NXN: variants seen among roughly 807,000 people sequenced by gnomAD.
NXN encodes nucleoredoxin, also known as nucleoredoxin 1.
Under a neutral mutation model 48.6 loss-of-function variants are expected in NXN, and 16 were observed. The observed-to-expected ratio is 0.33, with a 90% confidence interval of 0.22 to 0.50. The LOEUF (loss-of-function observed/expected upper bound fraction) is 0.50, where lower values mean the gene tolerates loss of function less well. NXN is among the 20% of genes least tolerant of loss of function. The pLI is 0.98. For synonymous variants in NXN, 281 were observed against 269.6 expected (o/e 1.04, Z -0.41); for missense variants, 492 against 605.5 (o/e 0.81, Z 1.97).
Position 958,220 on chromosome 17 carries a change from A to AG in NXN, c.360+21098dup, listed in dbSNP as rs1213540025. Among the ~76,000 whole-genome samples the AG allele has an allele frequency of 6.6e-6, 1 of 152,202 alleles. No individual in the cohort carries two copies. The highest frequency in any genetic ancestry group is 1.5e-5 in the Non-Finnish European group (1 of 68,048). ...CTTCTTTCCAGAAGGCTTTTCTTGCAGGAGGTGGCTGCCAGCTTGTCCCTT... is the reference window on the plus strand; with the variant it reads ...CTTCTTTCCAGAAGGCTTTTCTTGCAGGGAGGTGGCTGCCAGCTTGTCCCTT... On this transcript the variant is annotated intron_variant, in intron 1 of 7. Transcript: ENST00000336868. The surrounding 1 kb of genome is among the most constrained non-coding windows in gnomAD (Gnocchi z 6.9).
chr17:807,655 G>A (rs765321087), intron 5 of NXN, among the ~76,000 whole-genome samples: 5 of 152,230 alleles, frequency 3.3e-5, no homozygotes, highest in African/African-American at 7.2e-5. Flanking sequence ...GTGCCGGGAC[G>A]GGCCGTGTTG....
intron 5 of NXN, among the ~76,000 whole-genome samples, chr17:809,258 G>A (rs568115495): frequency 7.9e-5 from 12 of 152,358 alleles, no homozygotes; most frequent in Admixed American, 2.6e-4. Context: ...TAGAGAGGGC[G>A]CAGCCCTGAG....
chr17:810,915 TAAAAG>T (rs1911959642), intron 5 of NXN, among the ~76,000 whole-genome samples: 1 of 151,792 alleles, frequency 6.6e-6, no homozygotes, highest in Non-Finnish European at 1.5e-5. Flanking sequence ...ACAAAACACA[TAAAAG>T]AGAACTGCAA....
intron 5 of NXN, among the ~76,000 whole-genome samples, chr17:818,304 C>CT (rs1567815994): frequency 1.3e-5 from 2 of 152,030 alleles, no homozygotes; most frequent in African/African-American, 2.4e-5. Flanking sequence ...GATTAGTACT[C>CT]TAAGTCCTAG....
At chr17:886,169 C>T (rs1181063856) in intron 1 of NXN, among the ~76,000 whole-genome samples, 1 of 152,084 alleles carries the variant, frequency 6.6e-6, no homozygotes, top group Admixed American at 6.6e-5. Context: ...GGTTTCTCCA[C>T]GGAAGCAGCT....
In NXN at chr17:904,455, TGTG is replaced by T. The variant is rs1382635781; in HGVS notation, c.360+74861_360+74863del. Among the ~76,000 whole-genome samples, 42 of 152,314 alleles carry T rather than the reference TGTG, an allele frequency of 2.8e-4. 1 individual carries two copies. The highest frequency in any genetic ancestry group is 2.7e-3 in the Admixed American group (41 of 15,290). ...AGGGCTGTAAAGTCTCTCTCTCTGA[TGTG>T]GTGATTTTCAGCATTTTTCCCCTCC... is the stretch of plus-strand genomic sequence containing the variant. On this transcript the variant is annotated intron_variant, in intron 1 of 7. Coordinates refer to ENST00000336868, the MANE Select transcript of NXN (RefSeq NM_022463.5).
At chr17:841,543 ACGCCGGCGAGCAGG>A (rs1914264822) in intron 1 of NXN, among the ~76,000 whole-genome samples, 1 of 97,218 alleles carries the variant, frequency 1.0e-5, no homozygotes, top group Non-Finnish European at 2.1e-5. Context: ...GGAGCATCTC[ACGCCGGCGAGCAGG>A]TCCCCCCTGA....
intron 1 of NXN, among the ~76,000 whole-genome samples, chr17:910,539 T>G (rs1195891087): frequency 6.6e-6 from 1 of 152,190 alleles, no homozygotes; most frequent in Non-Finnish European, 1.5e-5. Flanking sequence ...TTATTTGTTT[T>G]TTAGAAGAAT....
At chr17:929,803 T>C (rs2068835632) in intron 1 of NXN, 1 of 145,352 alleles carries the variant, frequency 6.9e-6, no homozygotes, top group African/African-American at 2.4e-5. Flanking sequence ...TTTAATCTTC[T>C]TAAAAAAAAC....
At position 979,634 on chromosome 17, in the gene NXN, C is replaced by T. The variant is rs1283752680; in HGVS notation, c.45G>A (p.Thr15=). 2.0e-6 allele frequency: 3 copies of T among 1,469,804 alleles called. No individual in the cohort carries two copies. The highest frequency in any genetic ancestry group is 2.5e-5 in the South Asian group (2 of 79,406). 91.0% of individuals were successfully genotyped at this position (1,469,804 alleles called of 1,614,324 possible). A position where few individuals can be genotyped will look rare whatever the true frequency, so the allele number is the denominator to read the frequency against. Reference sequence around the variant, plus strand: ...GCACGTCCACCTCCTCGCCGCCGCCCGTCACCAGCTTCTCGCCGAGCAGCT... The same window carrying T: ...GCACGTCCACCTCCTCGCCGCCGCCTGTCACCAGCTTCTCGCCGAGCAGCT... ...LEELLGEKLV[T]GGGEEVDVHS... Residue 15 remains threonine, a synonymous_variant, in exon 1 of 8, where the codon ACG becomes ACA. Coordinates refer to ENST00000336868, the MANE Select transcript of NXN (RefSeq NM_022463.5).
chr17:979,549 C>G lies in NXN; in HGVS notation c.130G>C (p.Ala44Pro). 7.3e-7 allele frequency: 1 copy of G among 1,360,688 alleles called. No homozygotes were observed. The highest frequency in any genetic ancestry group is 9.5e-7 in the Non-Finnish European group (1 of 1,050,528). 84.3% of individuals were successfully genotyped at this position (1,360,688 alleles called of 1,614,324 possible). The change falls in exon 1 of 8, where the codon GCC (alanine) becomes CCC (proline). Residue 44 changes from alanine (A) to proline (P), a missense_variant. Transcript: ENST00000336868. Reference sequence around the variant, plus strand: ...CTGGCGCTGAGCTGCGCGCAGGGGGCGCTGAGGCTGCAGCCGAAGTAGAGA... The same window carrying G: ...CTGGCGCTGAGCTGCGCGCAGGGGGGGCTGAGGCTGCAGCCGAAGTAGAGA... The part of the protein sequence containing the change: ...LGLYFGCSLS[A>P]PCAQLSASLA...
At chr17:876,249 G>GAAAAGAAAAGAAAAGAAAAGAA (rs2068214090) in intron 1 of NXN, among the ~76,000 whole-genome samples, 1 of 150,084 alleles carries the variant, frequency 6.7e-6, no homozygotes, top group African/African-American at 2.5e-5. Context: ...GAAGAGAAGA[G>GAAAAGAAAAGAAAAGAAAAGAA]AAGAAAAGAA....
intron 1 of NXN, among the ~76,000 whole-genome samples, chr17:842,051 G>A (rs1007670556): frequency 1.2e-4 from 18 of 152,194 alleles, no homozygotes; most frequent in South Asian, 6.2e-4. Flanking sequence ...CAGGAGAATC[G>A]CTTGAACCTG....
At chr17:947,983 G>A (rs903373019) in intron 1 of NXN, among the ~76,000 whole-genome samples, 2 of 151,450 alleles carry the variant, frequency 1.3e-5, no homozygotes, top group East Asian at 1.9e-4. Flanking sequence ...CCCGGGAGGC[G>A]GAGGTTGCAG....
chr17:845,407 G>A (rs2067849353), intron 1 of NXN, among the ~76,000 whole-genome samples: 1 of 151,952 alleles, frequency 6.6e-6, no homozygotes, highest in East Asian at 1.9e-4. Flanking sequence ...ATCCGAGAGA[G>A]AATTCCACCC....
At chr17:865,219 T>G (rs1354002394) in intron 1 of NXN, among the ~76,000 whole-genome samples, 1 of 150,082 alleles carries the variant, frequency 6.7e-6, no homozygotes, top group Non-Finnish European at 1.5e-5. Context: ...CTATTGGTAT[T>G]ACAGGCTGGC....
intron 1 of NXN, among the ~76,000 whole-genome samples, chr17:833,920 T>C (rs1181149599): frequency 1.3e-5 from 2 of 152,118 alleles, no homozygotes; most frequent in Non-Finnish European, 2.9e-5. Flanking sequence ...CTCTCCCCGC[T>C]CTCCCACTGT....
intron 1 of NXN, among the ~76,000 whole-genome samples, chr17:848,200 C>T (rs904541747): frequency 1.3e-5 from 2 of 152,012 alleles, no homozygotes; most frequent in Non-Finnish European, 2.9e-5. Context: ...TGCAATGGCA[C>T]GATCTCGGCT....
At chr17:903,724 C>T (rs569490641) in intron 1 of NXN, among the ~76,000 whole-genome samples, 2 of 152,282 alleles carry the variant, frequency 1.3e-5, no homozygotes, top group East Asian at 1.9e-4. Flanking sequence ...TTAGTACCCA[C>T]GACAACCCTT....
Sources: gnomAD v4.1 joint callset for allele counts (sites outside exome capture counted in the v4.1 genomes callset) on GRCh38, gnomAD v4.1.1 for gene constraint, Gnocchi (gnomAD v3.1) non-coding constraint, MANE v1.5 for transcripts, NCBI Gene and HGNC (gene_info 2026-07-23, HGNC 2026-07-21) for gene names.